Variants in NAV2 observed in about 807,000 individuals in gnomAD.
NAV2 encodes helicase, APC down-regulated 1.
Under a neutral mutation model 223.2 loss-of-function variants are expected in NAV2, and 54 were observed. The observed-to-expected ratio is 0.24, with a 90% CI of 0.19 to 0.30. The LOEUF (loss-of-function observed/expected upper bound fraction) is 0.30, where lower values mean the gene tolerates loss of function less well. Ranked by LOEUF, NAV2 falls within the 10% of genes least tolerant of loss-of-function variation. NAV2 has a pLI of 1.00. For synonymous variants in NAV2, 1,279 were observed against 1,239.3 expected (o/e 1.03, Z -0.67); for missense variants, 2,806 against 3,147.5 (o/e 0.89, Z 2.60).
chr11:19,592,274 A>C (rs576393082), intron 1 of NAV2, among the ~76,000 whole-genome samples: 8 of 151,874 alleles, frequency 5.3e-5, no homozygotes, highest in African/African-American at 1.9e-4. Context: ...AAGCACTCCC[A>C]CCGCTTAATG....
At chr11:19,561,086 A>G (rs937319319) in intron 1 of NAV2, among the ~76,000 whole-genome samples, 3 of 152,234 alleles carry the variant, frequency 2.0e-5, no homozygotes, top group Admixed American at 2.0e-4. Flanking sequence ...CAAATTCTGG[A>G]TGGATGACCT....
At chr11:19,439,680 A>G (rs1393428229) in intron 1 of NAV2, among the ~76,000 whole-genome samples, 2 of 152,258 alleles carry the variant, frequency 1.3e-5, no homozygotes, top group African/African-American at 4.8e-5. Context: ...TTAATCATTC[A>G]TACATGACAT....
At chr11:19,921,193 T>C (rs542282261) in intron 6 of NAV2, among the ~76,000 whole-genome samples, 30 of 152,256 alleles carry the variant, frequency 2.0e-4, no homozygotes, top group Non-Finnish European at 4.3e-4. Context: ...ACTAAGTGTC[T>C]GCATTCTTGG....
intron 1 of NAV2, among the ~76,000 whole-genome samples, chr11:19,431,313 T>C (rs991152435): frequency 6.6e-6 from 1 of 152,190 alleles, no homozygotes; most frequent in Non-Finnish European, 1.5e-5. Context: ...TTGCTGCGTT[T>C]AACGACTGCT....
intron 1 of NAV2, among the ~76,000 whole-genome samples, chr11:19,528,537 G>T (rs2043915969): frequency 6.6e-6 from 1 of 152,186 alleles, no homozygotes; most frequent in Admixed American, 6.5e-5. Context: ...GGCAGAGGCG[G>T]CTGGAAGGCA....
chr11:19,489,873 C>CT (rs2042566775), intron 1 of NAV2, among the ~76,000 whole-genome samples: 2 of 152,306 alleles, frequency 1.3e-5, no homozygotes, highest in East Asian at 3.9e-4. Flanking sequence ...CTTCTTTATT[C>CT]CACAGTCCCA....
intron 1 of NAV2, among the ~76,000 whole-genome samples, chr11:19,398,841 TGG>T (rs1419903440): frequency 1.3e-5 from 2 of 152,190 alleles, no homozygotes; most frequent in African/African-American, 4.8e-5. Context: ...TCACAGCTAG[TGG>T]GTGCACAACA....
At position 20,062,186 on chromosome 11, in the gene NAV2, A is replaced by G. The variant is rs901114540; in HGVS notation, c.4832-121A>G. 1.2e-5 allele frequency: 7 copies of G among 604,254 alleles called. No homozygotes were observed. In the Admixed American group the frequency reaches 1.3e-4, roughly 11 times the overall value. The allele number at this position is 604,254 out of a possible 1,614,324, so 37.4% of individuals were successfully genotyped here. On this transcript the variant is annotated intron_variant, in intron 19 of 37. Coordinates refer to ENST00000349880, the MANE Select transcript of NAV2 (RefSeq NM_145117.5). Reference sequence around the variant, plus strand: ...CGCCAAACCAGGAAAGGTTGTGTCAAGGTGAGATTAAGTCATTCCAAGCCT... The same window carrying G: ...CGCCAAACCAGGAAAGGTTGTGTCAGGGTGAGATTAAGTCATTCCAAGCCT...
intron 1 of NAV2, among the ~76,000 whole-genome samples, chr11:19,666,099 T>TTATTTTA (rs1446764158): frequency 2.6e-5 from 4 of 152,220 alleles, no homozygotes; most frequent in Non-Finnish European, 5.9e-5. Flanking sequence ...AACTGAGCTT[T>TTATTTTA]CAAGAGGCTA....
At chr11:20,031,082 G>A (rs1287408498) in intron 11 of NAV2, among the ~76,000 whole-genome samples, 1 of 152,068 alleles carries the variant, frequency 6.6e-6, no homozygotes, top group Non-Finnish European at 1.5e-5. Flanking sequence ...GTTTTTCTCC[G>A]ACTGTTTCAG....
intron 1 of NAV2, among the ~76,000 whole-genome samples, chr11:19,754,712 A>C (rs1352806829): frequency 2.6e-5 from 4 of 152,212 alleles, no homozygotes; most frequent in African/African-American, 9.6e-5. Context: ...AACCAAAGGA[A>C]TCCATGATTA....
rs75599708 is a variant in NAV2 at position 20,048,954 on chromosome 11, G to A, written c.4129G>A (p.Ala1377Thr). The A allele has an allele frequency of 2.5e-6, 4 of 1,614,122 alleles. No homozygotes were observed. The African/African-American group carries it at 5.3e-5, about 22-fold the overall frequency. ...CTCCAGCCCCAGCTCAGCCCACTCG[G>A]CCCCTTCCAACAGCCTCACCTGGGG... Reference protein sequence around the residue: ...LASSPSSAHSAPSNSLTWGTN... With the variant: ...LASSPSSAHSTPSNSLTWGTN... Residue 1377 changes from alanine to threonine, a missense_variant, in exon 15 of 38, where the codon GCC becomes ACC. This residue lies in a region of NAV2 where 742 missense variants were observed against 777.9 expected (regional missense o/e 0.95). Coordinates refer to ENST00000349880, the MANE Select transcript of NAV2 (RefSeq NM_145117.5).
At chr11:19,462,713 G>A (rs922431222) in intron 1 of NAV2, among the ~76,000 whole-genome samples, 1 of 152,212 alleles carries the variant, frequency 6.6e-6, no homozygotes, top group Non-Finnish European at 1.5e-5. Flanking sequence ...GCACAGGTTT[G>A]AGGAAGAGCA....
In NAV2 at chr11:20,054,122, A is replaced by C; in HGVS notation, c.4524A>C (p.Lys1508Asn). 1 of 1,612,898 alleles carries C rather than the reference A, an allele frequency of 6.2e-7. No homozygotes were observed. The highest frequency in any genetic ancestry group is 2.2e-5 in the East Asian group (1 of 44,820). ...AGCTTCGCACGCAAGAAGATGCAAA[A>C]GAATGGTTACGGTCCCATTCTGCAG... is the stretch of plus-strand genomic sequence containing the variant. ...TSQLRTQEDAKEWLRSHSAGG... is the reference protein window; with the variant it reads ...TSQLRTQEDANEWLRSHSAGG... The change falls in exon 18 of 38, where the codon AAA becomes AAC. Residue 1508 changes from lysine to asparagine, a missense_variant. By Grantham distance (94) the Lys-to-Asn change is moderately conservative. Coordinates refer to ENST00000349880, the MANE Select transcript of NAV2 (RefSeq NM_145117.5).
rs139378561 is a variant in NAV2, at chr11:19,821,779, C to T, written c.268-10705C>T. On this transcript the variant is annotated intron_variant, in intron 1 of 37. Coordinates refer to ENST00000349880, the MANE Select transcript of NAV2 (RefSeq NM_145117.5). ...TGAGTGACAAGTGGCCAGCCCTGTT[C>T]CCAGGGTCAGGGGAAACACTGTGAT... 7.4e-3 allele frequency among the ~76,000 whole-genome samples: 1,123 copies of T among 152,332 alleles called. 18 individuals carry two copies. The highest frequency in any genetic ancestry group is 0.026 in the African/African-American group (1,094 of 41,580).
In NAV2 at chr11:19,712,843, C is replaced by G. The variant is rs529919070; in HGVS notation, c.-853C>G. 6.5e-4 allele frequency among the ~76,000 whole-genome samples: 98 copies of G among 151,404 alleles called. No homozygotes were observed. Among genetic ancestry groups the G allele is most frequent in the Non-Finnish European group, 1.3e-3 (89 of 67,814 alleles). Reference sequence around the variant, plus strand: ...GCAGCGCCGGCAGCAGCCTGTCCTCCCCTGCGCTGAGCCCCGCAGCCAGCG... The same window carrying G: ...GCAGCGCCGGCAGCAGCCTGTCCTCGCCTGCGCTGAGCCCCGCAGCCAGCG... On this transcript the variant is annotated 5_prime_UTR_variant, in exon 1 of 38. Coordinates refer to ENST00000349880, the MANE Select transcript of NAV2 (RefSeq NM_145117.5).
intron 1 of NAV2, among the ~76,000 whole-genome samples, chr11:19,581,564 T>G (rs2045718398): frequency 6.6e-6 from 1 of 152,084 alleles, no homozygotes; most frequent in African/African-American, 2.4e-5. Context: ...CCCCTTCCTG[T>G]GTCCATGTGT....
chr11:19,487,855 C>T (rs1402874682), intron 1 of NAV2, among the ~76,000 whole-genome samples: 2 of 20,970 alleles, frequency 9.5e-5, no homozygotes, highest in African/African-American at 1.0e-4. Flanking sequence ...CTGTAAGAGA[C>T]CCCAAAGTAC....
At chr11:19,802,536 A>T (rs1486553087) in intron 1 of NAV2, among the ~76,000 whole-genome samples, 1 of 151,868 alleles carries the variant, frequency 6.6e-6, no homozygotes, top group East Asian at 1.9e-4. Flanking sequence ...TTGGTTTTGG[A>T]TGAGTTATTA....
Sources: gnomAD v4.1 joint callset for allele counts (sites outside exome capture counted in the v4.1 genomes callset) on GRCh38, gnomAD v4.1.1 for gene constraint, gnomAD v4.1.1 regional missense constraint, MANE v1.5 for transcripts, NCBI Gene and HGNC (gene_info 2026-07-23, HGNC 2026-07-21) for gene names.